Variants in JRK observed in about 807,000 individuals in gnomAD.
The protein encoded by JRK is Jrk helix-turn-helix protein, also known as jerky protein homolog.
For synonymous variants in JRK, 303 were observed against 218.1 expected, an observed-to-expected ratio of 1.39 and a Z score of -3.43; for missense variants, 720 against 509.2, an observed-to-expected ratio of 1.41 and a Z score of -3.98.
In JRK at chr8:142,665,869, G is replaced by A. The variant is rs782233027; in HGVS notation, c.190C>T (p.Arg64Trp). 20 of 781,852 alleles carry A rather than the reference G, an allele frequency of 2.6e-5. No homozygotes were observed. Among genetic ancestry groups the A allele is most frequent in the Admixed American group, 1.5e-4 (9 of 58,938 alleles). 48.4% of individuals were successfully genotyped at this position (781,852 alleles called of 1,614,324 possible). The change falls in exon 2 of 2, where the codon CGG becomes TGG. Residue 64 changes from arginine to tryptophan, a missense_variant. Arg to Trp is a moderately radical substitution (Grantham distance 101). Transcript: ENST00000612905. The part of the protein sequence containing the change: ...DIRAHKAQLL[R>W]FFASSDSNKA... ...TTGGAGTCGGAGCTGGCGAAGAACCGGAGCAGCTGCGCCTTGTGGGCCCTG... is the reference window on the plus strand; with the variant it reads ...TTGGAGTCGGAGCTGGCGAAGAACCAGAGCAGCTGCGCCTTGTGGGCCCTG...
At position 142,659,557 on chromosome 8, in the gene JRK, T is replaced by A. The variant is rs1846849595; in HGVS notation, c.*4795A>T. 1.0e-6 allele frequency: 1 copy of A among 985,572 alleles called. No homozygotes were observed. The highest frequency in any genetic ancestry group is 1.7e-5 in the African/African-American group (1 of 57,360). 61.1% of individuals were successfully genotyped at this position (985,572 alleles called of 1,614,324 possible). On this transcript the variant is annotated 3_prime_UTR_variant, in exon 2 of 2. Coordinates refer to ENST00000612905, the MANE Select transcript of JRK (RefSeq NM_003724.4). ...CAATCTGCCCCTGGGTGCAGGGCCT[T>A]GAGCAGGGAGGCCATCGTGCTGCCT...
the JRK span, among the ~76,000 whole-genome samples, chr8:142,645,675 A>G: frequency 9.9e-6 from 1 of 100,552 alleles, no homozygotes; most frequent in Non-Finnish European, 2.5e-5. Context: ...GCAAGACTCC[A>G]TCTCAGAAAA....
the JRK span, among the ~76,000 whole-genome samples, chr8:142,648,847 C>A: frequency 6.6e-6 from 1 of 152,220 alleles, no homozygotes; most frequent in African/African-American, 2.4e-5. Context: ...AGACACTCAA[C>A]ACCAGCCCAT....
the JRK span, among the ~76,000 whole-genome samples, chr8:142,650,490 G>C: frequency 2.0e-5 from 3 of 152,382 alleles, no homozygotes; most frequent in Admixed American, 2.0e-4. Context: ...GAGGAACCCA[G>C]TGGGAGGTAA....
chr8:142,659,097 C>A lies in JRK; in HGVS notation c.*5255G>T, dbSNP rs923805502. The A allele has an allele frequency of 4.3e-6, 6 of 1,383,500 alleles. No homozygotes were observed. The African/African-American group carries it at 4.4e-5, about 10-fold the overall frequency. The allele number at this position is 1,383,500 out of a possible 1,614,324, so 85.7% of individuals were successfully genotyped here. ...TCAGAACTGACAGCCCATCAAGGTA[C>A]AATGAAATAGAAAAAAGGCTGGCCA... On this transcript the variant is annotated 3_prime_UTR_variant, in exon 2 of 2. Transcript: ENST00000612905.
Position 142,662,430 on chromosome 8 carries a change from T to G in JRK, c.*1922A>C. On this transcript the variant is annotated 3_prime_UTR_variant, in exon 2 of 2. Coordinates refer to ENST00000612905, the MANE Select transcript of JRK (RefSeq NM_003724.4). ...AGCAGTCTTGGTTAAGAGGCTCTAT[T>G]AGGAGTGACACGTGAGCCCAGAAAT... 1.0e-6 allele frequency: 1 copy of G among 984,948 alleles called. No individual in the cohort carries two copies. The highest frequency in any genetic ancestry group is 1.2e-6 in the Non-Finnish European group (1 of 829,892). The allele number at this position is 984,948 out of a possible 1,614,324, so 61.0% of individuals were successfully genotyped here. A position where few individuals can be genotyped will look rare whatever the true frequency, so the allele number is the denominator to read the frequency against.
chr8:142,665,295 T>C lies in JRK; in HGVS notation c.764A>G (p.Lys255Arg), dbSNP rs587699674. The change falls in exon 2 of 2, where the codon AAG becomes AGG. Residue 255 changes from lysine (K) to arginine (R), a missense_variant. Transcript: ENST00000612905. Reference protein sequence around the residue: ...KGIQHLPVAYKAQGNAWVDKE... With the variant: ...KGIQHLPVAYRAQGNAWVDKE... ...GTCCACCCAGGCGTTCCCCTGGGCC[T>C]TATAGGCGACGGGCAGGTGCTGGAT... 1 of 717,806 alleles carries C rather than the reference T, an allele frequency of 1.4e-6. No homozygotes were observed. Among genetic ancestry groups the C allele is most frequent in the African/African-American group, 1.7e-5 (1 of 57,384 alleles). The allele number at this position is 717,806 out of a possible 1,614,324, so 44.5% of individuals were successfully genotyped here. A position where few individuals can be genotyped will look rare whatever the true frequency, so the allele number is the denominator to read the frequency against.
rs1001200136 is a variant in JRK, at chr8:142,661,962, G to A, written c.*2390C>T. On this transcript the variant is annotated 3_prime_UTR_variant, in exon 2 of 2. Transcript: ENST00000612905. Reference sequence around the variant, plus strand: ...GGCCCAGCAGCTCAGAGATGAGTACGCTCTGGGCTCCCTAAAAACCTCACT... The same window carrying A: ...GGCCCAGCAGCTCAGAGATGAGTACACTCTGGGCTCCCTAAAAACCTCACT... The A allele has an allele frequency of 5.1e-6, 5 of 985,510 alleles. No homozygotes were observed. Among genetic ancestry groups the A allele is most frequent in the Middle Eastern group, 5.2e-4 (1 of 1,914 alleles). The allele number at this position is 985,510 out of a possible 1,614,324, so 61.0% of individuals were successfully genotyped here.
rs587615143 is a variant in JRK, at chr8:142,665,369, G to C, written c.690C>G (p.Leu230=). 2 of 717,628 alleles carry C rather than the reference G, an allele frequency of 2.8e-6. No individual in the cohort carries two copies. The highest frequency in any genetic ancestry group is 5.2e-6 in the Non-Finnish European group (2 of 385,092). 44.5% of individuals were successfully genotyped at this position (717,628 alleles called of 1,614,324 possible). A position where few individuals can be genotyped will look rare whatever the true frequency, so the allele number is the denominator to read the frequency against. ...TGCACTTCCCGATGGCCAAGGGCTT[G>C]AGCCTGTGGGAGCCCGTGGCGTTGG... ...MCANATGSHR[L]KPLAIGKCSG... is the part of the protein sequence containing the mutation. Residue 230 remains leucine (L), a synonymous_variant, in exon 2 of 2, where the codon CTC becomes CTG. Coordinates refer to ENST00000612905, the MANE Select transcript of JRK (RefSeq NM_003724.4).
rs1846879230 is a variant in JRK at position 142,660,396 on chromosome 8, G to A, written c.*3956C>T. ...CCTGATCTCCACACCTGACCCCAAA[G>A]CACATTTTGTTATTTTTTGTTTTTA... On this transcript the variant is annotated 3_prime_UTR_variant, in exon 2 of 2. Coordinates refer to ENST00000612905, the MANE Select transcript of JRK (RefSeq NM_003724.4). 2 of 985,370 alleles carry A rather than the reference G, an allele frequency of 2.0e-6. No homozygotes were observed. The highest frequency in any genetic ancestry group is 1.2e-6 in the Non-Finnish European group (1 of 830,058). 61.0% of individuals were successfully genotyped at this position (985,370 alleles called of 1,614,324 possible).
At position 142,660,129 on chromosome 8, in the gene JRK, G is replaced by A; in HGVS notation, c.*4223C>T. 1.0e-6 allele frequency: 1 copy of A among 985,550 alleles called. No homozygotes were observed. The highest frequency in any genetic ancestry group is 5.2e-4 in the Middle Eastern group (1 of 1,914). The allele number at this position is 985,550 out of a possible 1,614,324, so 61.1% of individuals were successfully genotyped here. ...GCTGGGCAGGGAAGAGGACAAACAAGGTCTCACAGGTCCATTCTCCCCAGC... is the reference window on the plus strand; with the variant it reads ...GCTGGGCAGGGAAGAGGACAAACAAAGTCTCACAGGTCCATTCTCCCCAGC... On this transcript the variant is annotated 3_prime_UTR_variant, in exon 2 of 2. Coordinates refer to ENST00000612905, the MANE Select transcript of JRK (RefSeq NM_003724.4).
At chr8:142,667,925 CCT>C in intron 1 of JRK, among the ~76,000 whole-genome samples, 1 of 152,374 alleles carries the variant, frequency 6.6e-6, no homozygotes, top group South Asian at 2.1e-4. Context: ...AGGGCGCACC[CCT>C]GTGAGGCCAG....
Position 142,660,076 on chromosome 8 carries a change from C to T in JRK, c.*4276G>A, listed in dbSNP as rs999077547. On this transcript the variant is annotated 3_prime_UTR_variant, in exon 2 of 2. Coordinates refer to ENST00000612905, the MANE Select transcript of JRK (RefSeq NM_003724.4). ...GCCATGGCTGCAGCTCCTGGCCCTG[C>T]GGACAGCCAGGCCTGGGGTCTACAA... The T allele has an allele frequency of 1.1e-5, 11 of 985,704 alleles. No individual in the cohort carries two copies. The highest frequency in any genetic ancestry group is 1.1e-4 in the East Asian group (1 of 8,838). 61.1% of individuals were successfully genotyped at this position (985,704 alleles called of 1,614,324 possible).
the JRK span, among the ~76,000 whole-genome samples, chr8:142,650,968 G>C: frequency 9.2e-5 from 14 of 152,168 alleles, no homozygotes; most frequent in Non-Finnish European, 1.9e-4. Context: ...AGGGAGTCTA[G>C]CACCTTCTCC....
rs782112079 is a variant in JRK, at chr8:142,661,215, C to T, written c.*3137G>A. ...TCCAGGACAGCGTGCCTGGGGTGCT[C>T]GCAGAAGGCCAGGCTGGCACAGGCA... On this transcript the variant is annotated 3_prime_UTR_variant, in exon 2 of 2. Coordinates refer to ENST00000612905, the MANE Select transcript of JRK (RefSeq NM_003724.4). The T allele has an allele frequency of 2.0e-5, 20 of 985,414 alleles. No individual in the cohort carries two copies. The Middle Eastern group carries it at 1.5e-3, about 76-fold the overall frequency. 61.0% of individuals were successfully genotyped at this position (985,414 alleles called of 1,614,324 possible).
In JRK at chr8:142,665,248, A is replaced by G. The variant is rs587693937; in HGVS notation, c.811T>C (p.Phe271Leu). 3 of 717,878 alleles carry G rather than the reference A, an allele frequency of 4.2e-6. No individual in the cohort carries two copies. In the South Asian group the frequency reaches 4.4e-5, roughly 11 times the overall value. 44.5% of individuals were successfully genotyped at this position (717,878 alleles called of 1,614,324 possible). Residue 271 changes from phenylalanine to leucine, a missense_variant, in exon 2 of 2, where the codon TTC (phenylalanine) becomes CTC (leucine). Phe to Leu is a conservative substitution (Grantham distance 22, BLOSUM62 0). Transcript: ENST00000612905. ...ACCGAGGGCACAAAGATATGATGGA[A>G]CCAATCGGAAAAAATCTCCTTGTCC... is the stretch of plus-strand genomic sequence containing the variant. ...WVDKEIFSDW[F>L]HHIFVPSVRE...
chr8:142,656,887 G>A (rs1253520888), downstream of JRK, among the ~76,000 whole-genome samples: 3 of 152,138 alleles, frequency 2.0e-5, no homozygotes, highest in Non-Finnish European at 4.4e-5. Flanking sequence ...AGCCCACTAA[G>A]AGTTGTTGCC....
the JRK span, among the ~76,000 whole-genome samples, chr8:142,643,952 A>C: frequency 6.6e-6 from 1 of 152,248 alleles, no homozygotes; most frequent in African/African-American, 2.4e-5. Flanking sequence ...TAATCACTCA[A>C]AAGAAAAGTT....
At chr8:142,649,486 C>T in the JRK span, among the ~76,000 whole-genome samples, 1 of 152,226 alleles carries the variant, frequency 6.6e-6, no homozygotes, top group African/African-American at 2.4e-5. Context: ...TTCTCTTTGC[C>T]TGCTGCTATC....
Sources: gnomAD v4.1 joint callset for allele counts (sites outside exome capture counted in the v4.1 genomes callset) on GRCh38, gnomAD v4.1.1 for gene constraint, MANE v1.5 for transcripts, NCBI Gene and HGNC (gene_info 2026-07-23, HGNC 2026-07-21) for gene names.